NLRP11: variants seen among roughly 807,000 people sequenced by gnomAD.
NLRP11 encodes the protein NACHT, LRR and PYD domains-containing protein 11.
In NLRP11, 53 loss-of-function variants were observed where a neutral mutation model predicts 79.3. The observed-to-expected ratio is 0.67, with a 90% CI of 0.54 to 0.84. The LOEUF is 0.84. NLRP11 is among the 40% of genes least tolerant of loss of function. The pLI, the probability that NLRP11 is intolerant of heterozygous loss-of-function variation, is 0.00. For synonymous variants in NLRP11, 518 were observed against 462.6 expected (o/e 1.12, Z -1.54); for missense variants, 1,264 against 1,255.0 (o/e 1.01, Z -0.11).
chr19:55,809,671 A>T lies in NLRP11; in HGVS notation c.939T>A (p.Phe313Leu). 1 of 1,614,076 alleles carries T rather than the reference A, an allele frequency of 6.2e-7. No homozygotes were observed. The highest frequency in any genetic ancestry group is 8.5e-7 in the Non-Finnish European group (1 of 1,179,980). Residue 313 changes from phenylalanine (F) to leucine (L), a missense_variant, in exon 3 of 10, where the codon TTT becomes TTA. Physicochemically the swap from Phe to Leu is conservative, Grantham distance 22. Transcript: ENST00000589093. This position sits in a 1 kb window ranked among gnomAD's most constrained non-coding sequence, Gnocchi z 4.5. ...CTGCCGACGCCCTCTGGCGGTCTTT[A>T]AAGAAAGAGTTAAAATATATCTCCC... is the stretch of plus-strand genomic sequence containing the variant.
chr19:55,792,976 A>G (rs1347584314), intron 6 of NLRP11, among the ~76,000 whole-genome samples: 1 of 152,148 alleles, frequency 6.6e-6, no homozygotes, highest in African/African-American at 2.4e-5. Context: ...CTCGTTGCCA[A>G]TATGTGGAAG....
intron 6 of NLRP11, among the ~76,000 whole-genome samples, chr19:55,793,188 A>AT (rs919937167): frequency 3.3e-5 from 5 of 151,746 alleles, no homozygotes; most frequent in Admixed American, 1.3e-4. Context: ...CCGAATCTCT[A>AT]TTTTTTTTAA....
At chr19:55,790,787 C>A (rs370562899) in intron 7 of NLRP11, among the ~76,000 whole-genome samples, 30 of 152,212 alleles carry the variant, frequency 2.0e-4, no homozygotes, top group African/African-American at 6.7e-4. Flanking sequence ...TATAGCAAAA[C>A]CCTGTCGGTA....
At chr19:55,821,203 T>TCA (rs1211992513) in intron 1 of NLRP11, among the ~76,000 whole-genome samples, 13,093 of 111,984 alleles carry the variant, frequency 0.12, 604 homozygotes, top group Admixed American at 0.16. Context: ...TCTCTCTCTC[T>TCA]CTCACACACA....
intron 6 of NLRP11, among the ~76,000 whole-genome samples, chr19:55,793,675 C>G (rs73933383): frequency 0.024 from 3,659 of 151,162 alleles, 56 homozygotes; most frequent in Middle Eastern, 0.072. Context: ...GCTGGCAGCA[C>G]ACCAAACCTG....
At chr19:55,823,091 G>A (rs376143708) in intron 1 of NLRP11, among the ~76,000 whole-genome samples, 1,756 of 122,476 alleles carry the variant, frequency 0.014, no homozygotes, top group African/African-American at 0.031. Flanking sequence ...GCCTCCTCAA[G>A]TGGGTCCCTG....
intron 6 of NLRP11, among the ~76,000 whole-genome samples, chr19:55,794,768 A>AT (rs200803521): frequency 1.5e-3 from 231 of 152,274 alleles, no homozygotes; most frequent in African/African-American, 5.4e-3. Flanking sequence ...TCAAAAAAAA[A>AT]AAATAAATAA....
intron 2 of NLRP11, among the ~76,000 whole-genome samples, chr19:55,814,340 A>G (rs1184256086): frequency 1.3e-5 from 2 of 152,150 alleles, no homozygotes; most frequent in Non-Finnish European, 2.9e-5. Flanking sequence ...ATTTCATTAT[A>G]TATTACAATG....
intron 5 of NLRP11, among the ~76,000 whole-genome samples, chr19:55,797,135 GT>G (rs758236841): frequency 2.0e-5 from 3 of 151,900 alleles, no homozygotes; most frequent in South Asian, 2.1e-4. Context: ...TTTAAAAAAA[GT>G]TTTTTTCCTT....
intron 9 of NLRP11, among the ~76,000 whole-genome samples, chr19:55,786,521 GA>G (rs57523493): frequency 0.069 from 10,060 of 146,030 alleles, 643 homozygotes; most frequent in African/African-American, 0.18. Context: ...ACCCTAACTA[GA>G]AAAAAAAAAA....
At chr19:55,810,157 C>T (rs1980464794) in exon 3 of NLRP11, 1 of 1,614,074 alleles carries the variant, frequency 6.2e-7, no homozygotes, top group Non-Finnish European at 8.5e-7. Flanking sequence ...TCTCTCCCAT[C>T]AGGAACACAT....
At chr19:55,788,004 C>T (rs538046896) in intron 9 of NLRP11, among the ~76,000 whole-genome samples, 1 of 152,268 alleles carries the variant, frequency 6.6e-6, no homozygotes, top group East Asian at 1.9e-4. Context: ...TCAAGGACGA[C>T]CAACTAAGCT....
At chr19:55,826,644 T>A in intron 1 of NLRP11, among the ~76,000 whole-genome samples, 2 of 12,692 alleles carry the variant, frequency 1.6e-4, no homozygotes, top group Admixed American at 1.3e-3. Flanking sequence ...AGCCAAATCA[T>A]GAGTGAACTC....
chr19:55,802,795 A>C (rs1443669273), intron 4 of NLRP11, among the ~76,000 whole-genome samples: 1 of 152,248 alleles, frequency 6.6e-6, no homozygotes, highest in Non-Finnish European at 1.5e-5. Flanking sequence ...CCAAAACAGC[A>C]TGGTACTGGT....
intron 4 of NLRP11, among the ~76,000 whole-genome samples, chr19:55,806,377 C>G (rs965267587): frequency 6.6e-6 from 1 of 152,194 alleles, no homozygotes; most frequent in Non-Finnish European, 1.5e-5. Flanking sequence ...TGGCTCTCGC[C>G]GTCATTTCCC....
chr19:55,829,475 G>A (rs1982535895), intron 1 of NLRP11, among the ~76,000 whole-genome samples: 1 of 151,868 alleles, frequency 6.6e-6, no homozygotes, highest in Admixed American at 6.6e-5. Context: ...CCCCTATCCT[G>A]GCTAACACAG....
chr19:55,789,315 C>A (rs779546188), exon 8 of NLRP11: 21 of 1,614,042 alleles, frequency 1.3e-5, no homozygotes, highest in Non-Finnish European at 1.1e-5. Flanking sequence ...TGCTCCCAAT[C>A]TCCAGGCTCC....
At chr19:55,814,048 G>T (rs185602747) in intron 2 of NLRP11, among the ~76,000 whole-genome samples, 166 of 152,258 alleles carry the variant, frequency 1.1e-3, no homozygotes, top group Admixed American at 2.0e-3. Flanking sequence ...GGTGAGTGGT[G>T]AGTGACTGAG....
In NLRP11 at chr19:55,810,079, C is replaced by G. The variant is rs144237652; in HGVS notation, c.531G>C (p.Gln177His). ...GGTGAACGACGTACGAGATCATGTTCTGCCACATCTCACCCTTGATCCACC... is the reference window on the plus strand; with the variant it reads ...GGTGAACGACGTACGAGATCATGTTGTGCCACATCTCACCCTTGATCCACC... Residue 177 changes from glutamine (Q) to histidine (H), a missense_variant, in exon 3 of 10, where the codon CAG becomes CAC. Transcript: ENST00000589093. The G allele has an allele frequency of 3.1e-6, 5 of 1,614,030 alleles. No individual in the cohort carries two copies. In the African/African-American group the frequency reaches 5.3e-5, roughly 17 times the overall value.
Sources: allele counts gnomAD v4.1 joint callset (sites outside exome capture counted in the v4.1 genomes callset), GRCh38; gene constraint gnomAD v4.1.1; non-coding constraint Gnocchi (gnomAD v3.1); transcripts MANE v1.5; gene names NCBI Gene and HGNC (gene_info 2026-07-23, HGNC 2026-07-21).